The following AGBL4 variants were observed in gnomAD, a reference collection of about 807,000 sequenced individuals.
The protein encoded by AGBL4 is cytosolic carboxypeptidase 6.
Under a neutral mutation model 66.4 loss-of-function variants are expected in AGBL4, and 58 were observed. The observed-to-expected ratio is 0.87, with a 90% CI of 0.71 to 1.09. The LOEUF (loss-of-function observed/expected upper bound fraction) is 1.09, where lower values mean the gene tolerates loss of function less well. AGBL4 is among the 50% of genes least tolerant of loss of function. AGBL4 has a pLI of 0.00. For synonymous variants in AGBL4, 234 were observed against 222.9 expected, an observed-to-expected ratio of 1.05 and a Z score of -0.44; for missense variants, 579 against 631.0, an observed-to-expected ratio of 0.92 and a Z score of 0.88.
intron 3 of AGBL4, among the ~76,000 whole-genome samples, chr1:49,530,259 T>TAAAAAACAAAAAAAAAA (rs1650994305): frequency 1.3e-5 from 1 of 75,984 alleles, no homozygotes; most frequent in Non-Finnish European, 2.4e-5. Context: ...GTAGAATTTG[T>TAAAAAACAAAAAAAAAA]AAAAAAAAAA....
intron 8 of AGBL4, among the ~76,000 whole-genome samples, chr1:48,641,079 C>A (rs1044810486): frequency 6.6e-6 from 1 of 152,128 alleles, no homozygotes; most frequent in African/African-American, 2.4e-5. Flanking sequence ...GGTATGCCAG[C>A]AATTGTCCCC....
At chr1:49,703,524 T>C (rs61783635) in intron 2 of AGBL4, among the ~76,000 whole-genome samples, 1 of 150,804 alleles carries the variant, frequency 6.6e-6, no homozygotes, top group Admixed American at 6.6e-5. Flanking sequence ...GCATTCATGA[T>C]TAAAAAAAAA....
intron 1 of AGBL4, among the ~76,000 whole-genome samples, chr1:50,012,999 C>G (rs1222397445): frequency 6.6e-6 from 1 of 152,124 alleles, no homozygotes; most frequent in Non-Finnish European, 1.5e-5. Context: ...TTACAACACC[C>G]ATTGTCTCAG....
At chr1:49,799,593 G>A (rs1557458610) in intron 2 of AGBL4, among the ~76,000 whole-genome samples, 1 of 152,054 alleles carries the variant, frequency 6.6e-6, no homozygotes, top group Admixed American at 6.5e-5. Flanking sequence ...GAGAGAGACA[G>A]ATACATAGTA....
At chr1:48,792,878 T>A (rs1438938129) in intron 6 of AGBL4, among the ~76,000 whole-genome samples, 1 of 152,180 alleles carries the variant, frequency 6.6e-6, no homozygotes, top group African/African-American at 2.4e-5. Flanking sequence ...CACAGACACC[T>A]CCTATTCAAA....
chr1:49,247,475 C>A (rs1451919787), intron 3 of AGBL4, among the ~76,000 whole-genome samples: 1 of 152,048 alleles, frequency 6.6e-6, no homozygotes, highest in Non-Finnish European at 1.5e-5. Context: ...CCTAGACTTG[C>A]CTTTTGTCAA....
At position 48,999,629 on chromosome 1, in the gene AGBL4, G is replaced by A. The variant is rs1286527562; in HGVS notation, c.594+45955C>T. Among the ~76,000 whole-genome samples, 4 of 152,074 alleles carry A rather than the reference G, an allele frequency of 2.6e-5. No homozygotes were observed. The South Asian group carries it at 6.2e-4, about 24-fold the overall frequency. On this transcript the variant is annotated intron_variant, in intron 5 of 13. Transcript: ENST00000371839. ...TATCAGATTGGAAGGCAGAAAGCCTGGGTCCAATCTTTTCCTTGCTTGACT... is the reference window on the plus strand; with the variant it reads ...TATCAGATTGGAAGGCAGAAAGCCTAGGTCCAATCTTTTCCTTGCTTGACT...
At chr1:48,578,749 CTTCATTCATTCA>C (rs796963870) in intron 11 of AGBL4, among the ~76,000 whole-genome samples, 1 of 152,166 alleles carries the variant, frequency 6.6e-6, no homozygotes, top group Admixed American at 6.5e-5. Context: ...CCTGCTTCCA[CTTCATTCATTCA>C]TTCATTCATT....
At chr1:50,011,881 C>A (rs1354678748) in intron 1 of AGBL4, among the ~76,000 whole-genome samples, 1 of 152,142 alleles carries the variant, frequency 6.6e-6, no homozygotes, top group East Asian at 1.9e-4. Context: ...GTTTACCGGC[C>A]GGGCGCGATG....
intron 3 of AGBL4, among the ~76,000 whole-genome samples, chr1:49,602,768 T>C (rs918772855): frequency 5.9e-5 from 9 of 151,630 alleles, no homozygotes; most frequent in Middle Eastern, 3.2e-3. Context: ...GGCACATATA[T>C]ACCTATGTAA....
At chr1:48,846,571 C>A (rs1228602248) in intron 6 of AGBL4, among the ~76,000 whole-genome samples, 1 of 152,164 alleles carries the variant, frequency 6.6e-6, no homozygotes, top group Non-Finnish European at 1.5e-5. Flanking sequence ...CATTTAACTA[C>A]CATTTATTTA....
intron 3 of AGBL4, among the ~76,000 whole-genome samples, chr1:49,305,255 T>C (rs182144133): frequency 1.2e-3 from 180 of 152,342 alleles, no homozygotes; most frequent in African/African-American, 4.1e-3. Flanking sequence ...TAATGAGTTA[T>C]GTACATATTA....
At chr1:48,936,702 A>T (rs1655509795) in intron 5 of AGBL4, among the ~76,000 whole-genome samples, 1 of 152,218 alleles carries the variant, frequency 6.6e-6, no homozygotes, top group South Asian at 2.1e-4. Flanking sequence ...ATTTGCAAAT[A>T]ATAGTAAAAG....
chr1:49,986,089 A>G (rs1659482791), intron 1 of AGBL4, among the ~76,000 whole-genome samples: 1 of 152,130 alleles, frequency 6.6e-6, no homozygotes, highest in Admixed American at 6.5e-5. Flanking sequence ...TGTAACATAC[A>G]TACAGAAAAG....
chr1:48,892,840 T>A (rs1265073576), intron 5 of AGBL4, among the ~76,000 whole-genome samples: 3 of 152,220 alleles, frequency 2.0e-5, no homozygotes, highest in South Asian at 2.1e-4. Context: ...TTTTCTTTTT[T>A]AAAATCTTTT....
intron 2 of AGBL4, among the ~76,000 whole-genome samples, chr1:49,774,353 C>T (rs1216597235): frequency 6.6e-6 from 1 of 152,194 alleles, no homozygotes; most frequent in Admixed American, 6.5e-5. Context: ...ATTTGCTCCA[C>T]ACTCTTTGGA....
chr1:48,621,785 G>A (rs933310684), intron 9 of AGBL4, among the ~76,000 whole-genome samples: 4 of 151,174 alleles, frequency 2.6e-5, no homozygotes, highest in Non-Finnish European at 5.9e-5. Context: ...GATTTTCCTG[G>A]GTTTTTCACT....
intron 6 of AGBL4, among the ~76,000 whole-genome samples, chr1:48,803,049 G>A (rs192178081): frequency 1.2e-4 from 18 of 152,306 alleles, no homozygotes; most frequent in Admixed American, 2.0e-4. Context: ...GCCGGCTAAT[G>A]TGAGCTTGAT....
intron 2 of AGBL4, among the ~76,000 whole-genome samples, chr1:49,770,413 A>G (rs1486803630): frequency 6.6e-6 from 1 of 152,098 alleles, no homozygotes; most frequent in Admixed American, 6.6e-5. Flanking sequence ...TTGCTGTTGA[A>G]TTCAGTTTGC....
Sources: gnomAD v4.1 joint callset for allele counts (sites outside exome capture counted in the v4.1 genomes callset) on GRCh38, gnomAD v4.1.1 for gene constraint, MANE v1.5 for transcripts, NCBI Gene and HGNC (gene_info 2026-07-23, HGNC 2026-07-21) for gene names.